FGFR2: variants seen among roughly 807,000 people sequenced by gnomAD.
FGFR2 encodes the protein fibroblast growth factor receptor 2.
Under a neutral mutation model 95.9 loss-of-function variants are expected in FGFR2, and 19 were observed. The ratio of observed to expected loss-of-function variants is 0.20; its 90% CI spans 0.14 to 0.29. The LOEUF (loss-of-function observed/expected upper bound fraction) is 0.29. Among genes scored for constraint, FGFR2 ranks in the 10% least tolerant of loss-of-function variants. The pLI is 1.00. For missense variants in FGFR2, 707 were observed against 1,056.9 expected (o/e 0.67, Z 4.59); for synonymous variants, 392 against 393.3 (o/e 1.00, Z 0.04).
At chr10:121,530,910 A>G (rs1564937286) in intron 6 of FGFR2, among the ~76,000 whole-genome samples, 2 of 152,232 alleles carry the variant, frequency 1.3e-5, no homozygotes, top group African/African-American at 4.8e-5. Context: ...TGACAGAAGC[A>G]GCTTTCTCTC....
At chr10:121,536,957 G>A (rs1043988186) in intron 6 of FGFR2, among the ~76,000 whole-genome samples, 6 of 152,052 alleles carry the variant, frequency 3.9e-5, no homozygotes, top group East Asian at 1.9e-4. Flanking sequence ...CGTCACATTC[G>A]GTACACACAG....
intron 4 of FGFR2, among the ~76,000 whole-genome samples, chr10:121,560,241 A>ACC (rs1191851738): frequency 6.6e-6 from 1 of 152,116 alleles, no homozygotes; most frequent in Admixed American, 6.6e-5. Context: ...CATGGACGGA[A>ACC]CCAGCAGCCA....
At chr10:121,521,039 A>G (rs1850470435) in intron 6 of FGFR2, among the ~76,000 whole-genome samples, 2 of 152,242 alleles carry the variant, frequency 1.3e-5, no homozygotes, top group African/African-American at 2.4e-5. Flanking sequence ...GATTTGATTA[A>G]TAATGGGATT....
chr10:121,570,638 G>A (rs978454726), intron 2 of FGFR2, among the ~76,000 whole-genome samples: 2 of 152,194 alleles, frequency 1.3e-5, no homozygotes, highest in Non-Finnish European at 2.9e-5. Context: ...CTGCCAAAAC[G>A]CAATGGGGAG....
chr10:121,521,939 T>C (rs1023433380), intron 6 of FGFR2, among the ~76,000 whole-genome samples: 1 of 152,222 alleles, frequency 6.6e-6, no homozygotes, highest in African/African-American at 2.4e-5. Flanking sequence ...TGTGGCTATA[T>C]ACACAACGGA....
chr10:121,479,493 T>C lies in FGFR2; in HGVS notation c.*364A>G. The stretch of plus-strand genomic sequence containing the variant: ...TACATCCAGCACCTATATACTGCAT[T>C]TGTGCTCTGTAAGTGTGTGCTGACA... On this transcript the variant is annotated 3_prime_UTR_variant, in exon 18 of 18. Transcript: ENST00000358487. 2.1e-6 allele frequency: 2 copies of C among 964,608 alleles called. No individual in the cohort carries two copies. Among genetic ancestry groups the C allele is most frequent in the Non-Finnish European group, 3.1e-6 (2 of 646,666 alleles). The allele number at this position is 964,608 out of a possible 1,614,324, so 59.8% of individuals were successfully genotyped here. A position where few individuals can be genotyped will look rare whatever the true frequency, so the allele number is the denominator to read the frequency against.
intron 6 of FGFR2, among the ~76,000 whole-genome samples, chr10:121,530,146 C>T (rs1851899589): frequency 6.6e-6 from 1 of 152,138 alleles, no homozygotes; most frequent in African/African-American, 2.4e-5. Flanking sequence ...GTAAGGAGCA[C>T]ATCCTACCTG....
At chr10:121,552,259 A>AT in intron 4 of FGFR2, among the ~76,000 whole-genome samples, 1 of 152,276 alleles carries the variant, frequency 6.6e-6, no homozygotes, top group Non-Finnish European at 1.5e-5. Context: ...AGTAAAGTAT[A>AT]TTTTTTCTAA....
rs554851880 is a variant in FGFR2, at chr10:121,517,287, A to G, written c.1084+32T>C. On this transcript the variant is annotated intron_variant, in intron 8 of 17. Coordinates refer to ENST00000358487, the MANE Select transcript of FGFR2 (RefSeq NM_000141.5). The surrounding 1 kb of genome is among the most constrained non-coding windows in gnomAD (Gnocchi z 4.7). ...TTATAGCAGTCAACCAAGAAAAGGG[A>G]AAAAAACCCAGAGAGAAAGAACAGT... 4.5e-4 allele frequency: 721 copies of G among 1,612,714 alleles called. 10 individuals carry two copies. The South Asian group carries it at 7.6e-3, about 17-fold the overall frequency.
At chr10:121,502,567 T>C (rs1476400719) in intron 10 of FGFR2, among the ~76,000 whole-genome samples, 1 of 152,200 alleles carries the variant, frequency 6.6e-6, no homozygotes, top group African/African-American at 2.4e-5. Flanking sequence ...CCACATAAGC[T>C]ACCTCTCCCT....
intron 2 of FGFR2, among the ~76,000 whole-genome samples, chr10:121,569,224 C>CTTTT (rs749808833): frequency 1.2e-5 from 1 of 83,820 alleles, no homozygotes; most frequent in African/African-American, 5.1e-5. Context: ...CTTTTCTTTT[C>CTTTT]TTTTTTTTTT....
rs138860989 is a variant in FGFR2 at position 121,498,459 on chromosome 10, A to G, written c.1672+36T>C. 5.1e-4 allele frequency: 660 copies of G among 1,291,064 alleles called. 2 individuals carry two copies. In the African/African-American group the frequency reaches 8.0e-3, roughly 16 times the overall value. 80.0% of individuals were successfully genotyped at this position (1,291,064 alleles called of 1,614,324 possible). On this transcript the variant is annotated intron_variant, in intron 12 of 17. Transcript: ENST00000358487. ...CTAAAATGATTCAATCAAACTGCAGAGTATTTGGGCGAATGCAGTTTTTCC... is the reference window on the plus strand; with the variant it reads ...CTAAAATGATTCAATCAAACTGCAGGGTATTTGGGCGAATGCAGTTTTTCC...
intron 5 of FGFR2, among the ~76,000 whole-genome samples, chr10:121,539,649 G>C (rs1403885590): frequency 6.6e-6 from 1 of 152,124 alleles, no homozygotes; most frequent in Non-Finnish European, 1.5e-5. Context: ...CAGGTGTTTT[G>C]GACAAGGCAC....
At chr10:121,481,389 G>GACACACACAC (rs71868012) in intron 17 of FGFR2, among the ~76,000 whole-genome samples, 3 of 150,018 alleles carry the variant, frequency 2.0e-5, no homozygotes, top group African/African-American at 7.3e-5. Context: ...CATTTTTAAA[G>GACACACACAC]ACACACACAC....
chr10:121,519,398 C>T (rs1850181444), intron 7 of FGFR2, among the ~76,000 whole-genome samples: 1 of 152,086 alleles, frequency 6.6e-6, no homozygotes. Context: ...TTCACTGGTG[C>T]AGAAATATGA....
chr10:121,564,189 G>T (rs954037614), intron 4 of FGFR2: 2 of 414,108 alleles, frequency 4.8e-6, no homozygotes, highest in Non-Finnish European at 9.0e-6. Context: ...GATGTTACAT[G>T]GTTCTACTAT....
intron 13 of FGFR2, 136 bp downstream of exon 13, chr10:121,496,396 C>T (rs982769440): frequency 1.2e-5 from 11 of 904,296 alleles, no homozygotes; most frequent in South Asian, 6.6e-5. Context: ...ATGGGAATAA[C>T]GCAATAAATA....
At chr10:121,512,465 C>T (rs1448441327) in intron 9 of FGFR2, among the ~76,000 whole-genome samples, 1 of 152,206 alleles carries the variant, frequency 6.6e-6, no homozygotes, top group Non-Finnish European at 1.5e-5. Context: ...CTGGTATTTG[C>T]CCCCTTTCCT....
At chr10:121,579,476 G>A (rs1164124479) in intron 2 of FGFR2, among the ~76,000 whole-genome samples, 1 of 152,202 alleles carries the variant, frequency 6.6e-6, no homozygotes, top group African/African-American at 2.4e-5. Context: ...TTACCTAAAT[G>A]AGGATTCCTG....
Sources: gnomAD v4.1 joint callset for allele counts (sites outside exome capture counted in the v4.1 genomes callset) on GRCh38, gnomAD v4.1.1 for gene constraint, Gnocchi (gnomAD v3.1) non-coding constraint, MANE v1.5 for transcripts, NCBI Gene and HGNC (gene_info 2026-07-23, HGNC 2026-07-21) for gene names.